The following ELMO1 variants were observed in gnomAD, a reference collection of about 807,000 sequenced individuals.
ELMO1 encodes engulfment and cell motility 1.
ELMO1 carries 26 observed loss-of-function variants against 98.9 expected under a neutral mutation model. The observed-to-expected ratio is 0.26, with a 90% CI of 0.19 to 0.36. The LOEUF (loss-of-function observed/expected upper bound fraction) is 0.36, where lower values mean the gene tolerates loss of function less well. Among genes scored for constraint, ELMO1 ranks in the 10% least tolerant of loss-of-function variants. The probability of loss-of-function intolerance (pLI) is 1.00; values close to 1 mark genes in which losing one functional copy is unlikely to be tolerated. For missense variants in ELMO1, 627 were observed against 935.2 expected, an observed-to-expected ratio of 0.67 and a Z score of 4.30; for synonymous variants, 346 against 346.0, an observed-to-expected ratio of 1.00 and a Z score of 0.00.
intron 16 of ELMO1, among the ~76,000 whole-genome samples, chr7:36,972,150 G>A (rs1336005785): frequency 6.6e-6 from 1 of 152,140 alleles, no homozygotes; most frequent in Non-Finnish European, 1.5e-5. Flanking sequence ...AATCTAAGAA[G>A]CAGGTATTAT....
chr7:37,445,804 G>A (rs936720504), intron 1 of ELMO1, among the ~76,000 whole-genome samples: 1 of 152,128 alleles, frequency 6.6e-6, no homozygotes. Context: ...TATTGTAGGA[G>A]AGCAGAATGG....
chr7:37,147,419 G>A (rs1788051856), intron 13 of ELMO1, among the ~76,000 whole-genome samples: 1 of 152,010 alleles, frequency 6.6e-6, no homozygotes, highest in Non-Finnish European at 1.5e-5. Context: ...TGTTTCTCTG[G>A]GCTGGACAAC....
intron 1 of ELMO1, among the ~76,000 whole-genome samples, chr7:37,439,655 A>G (rs1805310286): frequency 1.3e-5 from 2 of 152,216 alleles, no homozygotes; most frequent in Non-Finnish European, 2.9e-5. Flanking sequence ...GATAAGCTCA[A>G]CATCTGTTTT....
intron 19 of ELMO1, among the ~76,000 whole-genome samples, chr7:36,871,451 T>G (rs970627545): frequency 2.0e-5 from 3 of 152,224 alleles, no homozygotes; most frequent in African/African-American, 7.2e-5. Flanking sequence ...GTTTGGAACC[T>G]TAATTTAAAA....
rs139911984 is a variant in ELMO1, at chr7:37,229,065, A to G, written c.549+4030T>C. On this transcript the variant is annotated intron_variant, in intron 8 of 21. Coordinates refer to ENST00000310758, the MANE Select transcript of ELMO1 (RefSeq NM_014800.11). ...CTCCTGTATTTAAAATTATCTAGGT[A>G]GATGCCTGTAAATCTCTCAAATTTT... is the stretch of plus-strand genomic sequence containing the variant. Among the ~76,000 whole-genome samples the G allele has an allele frequency of 2.1e-3, 318 of 152,334 alleles. 1 individual carries two copies. Among genetic ancestry groups the G allele is most frequent in the Non-Finnish European group, 3.4e-3 (232 of 68,024 alleles).
intron 7 of ELMO1, among the ~76,000 whole-genome samples, chr7:37,239,896 A>G (rs2130677353): frequency 6.6e-6 from 1 of 152,330 alleles, no homozygotes; most frequent in East Asian, 1.9e-4. Context: ...ACTGAAAACT[A>G]TCAGGTAACT....
intron 1 of ELMO1, among the ~76,000 whole-genome samples, chr7:37,384,486 C>T (rs1438085244): frequency 2.0e-5 from 3 of 152,002 alleles, no homozygotes; most frequent in East Asian, 1.9e-4. Flanking sequence ...TTTGGGAGGC[C>T]GAGGTGGGCG....
chr7:37,152,562 T>A, intron 13 of ELMO1, among the ~76,000 whole-genome samples: 1 of 152,138 alleles, frequency 6.6e-6, no homozygotes, highest in East Asian at 1.9e-4. Flanking sequence ...TATGTGTGCA[T>A]GTGTGTGGAT....
At chr7:37,417,596 G>T (rs570098809) in intron 1 of ELMO1, among the ~76,000 whole-genome samples, 8 of 150,146 alleles carry the variant, frequency 5.3e-5, no homozygotes, top group African/African-American at 2.0e-4. Flanking sequence ...CCCAGGAGGC[G>T]GAGCTTGCAA....
chr7:37,388,521 G>T (rs1396496777), intron 1 of ELMO1, among the ~76,000 whole-genome samples: 1 of 151,446 alleles, frequency 6.6e-6, no homozygotes, highest in Admixed American at 6.6e-5. Flanking sequence ...ATAATTTGGA[G>T]CAGGGCACAC....
At chr7:37,347,225 T>C (rs1405081218) in intron 1 of ELMO1, among the ~76,000 whole-genome samples, 1 of 152,238 alleles carries the variant, frequency 6.6e-6, no homozygotes, top group Non-Finnish European at 1.5e-5. Flanking sequence ...TTAAGGCTTC[T>C]ATATATAATC....
intron 13 of ELMO1, among the ~76,000 whole-genome samples, chr7:37,146,748 A>T (rs941342705): frequency 2.0e-5 from 3 of 152,198 alleles, no homozygotes; most frequent in African/African-American, 7.2e-5. Context: ...CAGTCTATCA[A>T]ACCTGACCTA....
chr7:37,187,456 T>G (rs1791279727), intron 13 of ELMO1, among the ~76,000 whole-genome samples: 1 of 152,190 alleles, frequency 6.6e-6, no homozygotes, highest in Non-Finnish European at 1.5e-5. Context: ...GTCTATAAAT[T>G]ATACATCAAT....
At chr7:37,419,851 T>A (rs1004018190) in intron 1 of ELMO1, 1 of 152,238 alleles carries the variant, frequency 6.6e-6, no homozygotes, top group African/African-American at 2.4e-5. Context: ...AACATTTTCA[T>A]ATCATTTATT....
intron 1 of ELMO1, among the ~76,000 whole-genome samples, chr7:37,378,722 G>A (rs1035309566): frequency 4.1e-4 from 62 of 151,938 alleles, no homozygotes; most frequent in African/African-American, 1.4e-3. Context: ...TGGTACCTCT[G>A]TTCAAACAAT....
intron 4 of ELMO1, among the ~76,000 whole-genome samples, chr7:37,277,252 G>A (rs537352336): frequency 2.5e-4 from 38 of 152,236 alleles, no homozygotes; most frequent in Non-Finnish European, 4.7e-4. Context: ...ACCTGGGGGT[G>A]ACCAGCACTG....
chr7:37,238,716 C>T (rs2130668698), intron 7 of ELMO1, among the ~76,000 whole-genome samples: 1 of 152,146 alleles, frequency 6.6e-6, no homozygotes, highest in South Asian at 2.1e-4. Context: ...GAGGAAGTTC[C>T]CTCTATTCCT....
intron 15 of ELMO1, among the ~76,000 whole-genome samples, chr7:37,039,625 C>T (rs1301656944): frequency 6.6e-6 from 1 of 152,210 alleles, no homozygotes; most frequent in African/African-American, 2.4e-5. Context: ...AACAGGGAAG[C>T]AGAAGCTGTT....
intron 14 of ELMO1, among the ~76,000 whole-genome samples, chr7:37,122,482 G>A (rs912640344): frequency 1.3e-5 from 2 of 152,012 alleles, no homozygotes; most frequent in Non-Finnish European, 2.9e-5. Flanking sequence ...GCAGGGGTTG[G>A]AATCCTAGTC....
Sources: gnomAD v4.1 joint callset for allele counts (sites outside exome capture counted in the v4.1 genomes callset) on GRCh38, gnomAD v4.1.1 for gene constraint, MANE v1.5 for transcripts, NCBI Gene and HGNC (gene_info 2026-07-23, HGNC 2026-07-21) for gene names.